The following CDH9 variants were observed in gnomAD, a reference collection of about 807,000 sequenced individuals.
CDH9 encodes cadherin-9.
In CDH9, 28 loss-of-function variants were observed where a neutral mutation model predicts 70.9. That is an observed-to-expected ratio of 0.40 (90% CI 0.29 to 0.54). CDH9 has a LOEUF of 0.54. CDH9 is among the 20% of genes least tolerant of loss of function. The pLI is 0.59. For missense variants in CDH9, 874 were observed against 984.4 expected (o/e 0.89, Z 1.50); for synonymous variants, 409 against 343.1 (o/e 1.19, Z -2.12).
intron 2 of CDH9, among the ~76,000 whole-genome samples, chr5:26,929,585 C>T (rs1741404569): frequency 6.6e-6 from 1 of 152,028 alleles, no homozygotes; most frequent in South Asian, 2.1e-4. Context: ...GATTTAGAAG[C>T]AACCTAAGTG....
chr5:26,940,066 G>A (rs868373705), intron 2 of CDH9, among the ~76,000 whole-genome samples: 3 of 151,942 alleles, frequency 2.0e-5, no homozygotes, highest in South Asian at 4.1e-4. Flanking sequence ...GACTGAGGCA[G>A]GAGACTGAGG....
chr5:26,985,541 C>T (rs1359024821), intron 2 of CDH9, among the ~76,000 whole-genome samples: 1 of 152,122 alleles, frequency 6.6e-6, no homozygotes, highest in Admixed American at 6.6e-5. Flanking sequence ...ATCAAACCCT[C>T]GTTTTAACCT....
intron 11 of CDH9, among the ~76,000 whole-genome samples, chr5:26,882,460 C>T (rs1405865806): frequency 5.3e-5 from 8 of 152,032 alleles, no homozygotes; most frequent in African/African-American, 1.9e-4. Flanking sequence ...AATATATTTT[C>T]TTATTTCTCA....
At chr5:26,926,067 A>G (rs779602678) in intron 2 of CDH9, among the ~76,000 whole-genome samples, 3 of 152,148 alleles carry the variant, frequency 2.0e-5, no homozygotes, top group Admixed American at 1.3e-4. Flanking sequence ...TTCCTATTCA[A>G]CGTAGTGTTG....
chr5:26,966,734 G>A (rs546250686), intron 2 of CDH9, among the ~76,000 whole-genome samples: 1 of 152,204 alleles, frequency 6.6e-6, no homozygotes, highest in Admixed American at 6.5e-5. Context: ...TAAGCTCTGT[G>A]ATATTACATT....
chr5:26,963,570 C>T (rs998776322), intron 2 of CDH9, among the ~76,000 whole-genome samples: 1 of 151,800 alleles, frequency 6.6e-6, no homozygotes, highest in Admixed American at 6.6e-5. Flanking sequence ...ATAATAGCCA[C>T]CATTGACCTT....
At chr5:26,946,161 G>A (rs981257135) in intron 2 of CDH9, among the ~76,000 whole-genome samples, 1 of 152,116 alleles carries the variant, frequency 6.6e-6, no homozygotes, top group Non-Finnish European at 1.5e-5. Flanking sequence ...CTAGCTGTGT[G>A]AAAGAGACAA....
intron 2 of CDH9, among the ~76,000 whole-genome samples, chr5:26,952,399 G>A (rs1158638580): frequency 7.3e-6 from 1 of 136,864 alleles, no homozygotes; most frequent in Non-Finnish European, 1.5e-5. Context: ...CAGATCATGA[G>A]GTCAGGAGAT....
intron 3 of CDH9, among the ~76,000 whole-genome samples, chr5:26,909,902 A>C (rs991430753): frequency 1.3e-5 from 2 of 151,942 alleles, no homozygotes; most frequent in African/African-American, 4.8e-5. Context: ...TTGGGGAACC[A>C]AAAGCATTCC....
chr5:26,972,505 C>A (rs1297511351), intron 2 of CDH9, among the ~76,000 whole-genome samples: 1 of 152,026 alleles, frequency 6.6e-6, no homozygotes, highest in Admixed American at 6.6e-5. Context: ...CCTGTGGAAC[C>A]CCCCCACAAA....
chr5:26,982,897 G>C (rs1742423896), intron 2 of CDH9, among the ~76,000 whole-genome samples: 1 of 151,948 alleles, frequency 6.6e-6, no homozygotes, highest in South Asian at 2.1e-4. Flanking sequence ...ATCTTGGCAA[G>C]GCTGGTCTCA....
chr5:27,032,706 AG>A lies in CDH9; in HGVS notation c.-50+5756del, dbSNP rs1579524441. ...TACTGTAGATCACACACAAGAAAAA[AG>A]CAATACTATTTAAACTTAGTATCAT... On this transcript the variant is annotated intron_variant, in intron 1 of 11. Transcript: ENST00000231021. 2.0e-5 allele frequency among the ~76,000 whole-genome samples: 3 copies of A among 151,756 alleles called. No individual in the cohort carries two copies. In the East Asian group the frequency reaches 5.8e-4, roughly 30 times the overall value.
At chr5:26,893,508 C>A (rs1230297014) in intron 7 of CDH9, among the ~76,000 whole-genome samples, 1 of 151,984 alleles carries the variant, frequency 6.6e-6, no homozygotes, top group Non-Finnish European at 1.5e-5. Context: ...TTATTGTAAT[C>A]TTTTCACATG....
Position 26,988,200 on chromosome 5 carries a change from C to T in CDH9, c.134G>A (p.Gly45Asp), listed in dbSNP as rs1311387363. ...KKIAGLTKDD[G>D]KMLRRTKRGW... Reference sequence around the variant, plus strand: ...ACGCTTGGTGCGACGTAGCATTTTACCGTCATCTTTTGTCAGACCCGCTAT... The same window carrying T: ...ACGCTTGGTGCGACGTAGCATTTTATCGTCATCTTTTGTCAGACCCGCTAT... Residue 45 changes from glycine to aspartate, a missense_variant, in exon 2 of 12, where the codon GGT (glycine) becomes GAT (aspartate). By Grantham distance (94) the Gly-to-Asp change is moderately conservative. Transcript: ENST00000231021. 1 of 1,613,410 alleles carries T rather than the reference C, an allele frequency of 6.2e-7. No individual in the cohort carries two copies. Among genetic ancestry groups the T allele is most frequent in the Non-Finnish European group, 8.5e-7 (1 of 1,179,608 alleles).
In CDH9 at chr5:26,987,099, T is replaced by A. The variant is rs572280431; in HGVS notation, c.228+1007A>T. Among the ~76,000 whole-genome samples, 694 of 149,700 alleles carry A rather than the reference T, an allele frequency of 4.6e-3. 2 individuals carry two copies. Among genetic ancestry groups the A allele is most frequent in the Non-Finnish European group, 7.9e-3 (529 of 67,226 alleles). On this transcript the variant is annotated intron_variant, in intron 2 of 11. Transcript: ENST00000231021. ...TATTAGGCACTTGTATTCTTTTTTT[T>A]TTTTTTTTTTTTTTCATTTTTGGCC... is the stretch of plus-strand genomic sequence containing the variant.
intron 2 of CDH9, among the ~76,000 whole-genome samples, chr5:26,936,060 G>C (rs2112029652): frequency 6.6e-6 from 1 of 152,092 alleles, no homozygotes; most frequent in Middle Eastern, 3.4e-3. Flanking sequence ...AGGATGTGAA[G>C]GCGTGAGAAT....
At chr5:26,950,506 A>G (rs1022395361) in intron 2 of CDH9, among the ~76,000 whole-genome samples, 6 of 152,212 alleles carry the variant, frequency 3.9e-5, no homozygotes, top group Non-Finnish European at 5.9e-5. Context: ...TTTCCAGAGA[A>G]GGAAGTAAAG....
chr5:27,006,090 A>G (rs1038942756), intron 1 of CDH9, among the ~76,000 whole-genome samples: 3 of 152,078 alleles, frequency 2.0e-5, no homozygotes, highest in African/African-American at 7.2e-5. Context: ...TACCTGGGTG[A>G]CTACCTAATC....
chr5:27,031,695 C>A (rs1032361333), intron 1 of CDH9, among the ~76,000 whole-genome samples: 1 of 151,836 alleles, frequency 6.6e-6, no homozygotes, highest in Non-Finnish European at 1.5e-5. Flanking sequence ...AACTTGCATG[C>A]CTAATAGGTC....
Sources: gnomAD v4.1 joint callset for allele counts (sites outside exome capture counted in the v4.1 genomes callset) on GRCh38, gnomAD v4.1.1 for gene constraint, MANE v1.5 for transcripts, NCBI Gene and HGNC (gene_info 2026-07-23, HGNC 2026-07-21) for gene names.